Variants in TAOK1 observed in about 807,000 individuals in gnomAD.
The protein encoded by TAOK1 is serine/threonine-protein kinase TAO1.
TAOK1 carries 21 observed loss-of-function variants against 138.3 expected under a neutral mutation model. The ratio of observed to expected loss-of-function variants is 0.15; its 90% CI spans 0.11 to 0.22. The LOEUF (loss-of-function observed/expected upper bound fraction) is 0.22. Ranked by LOEUF, TAOK1 falls within the 10% of genes least tolerant of loss-of-function variation. The probability of loss-of-function intolerance (pLI) is 1.00; values close to 1 mark genes in which losing one functional copy is unlikely to be tolerated. For missense variants in TAOK1, 651 were observed against 1,227.7 expected (o/e 0.53, Z 7.02); for synonymous variants, 361 against 398.4 (o/e 0.91, Z 1.12).
intron 7 of TAOK1, among the ~76,000 whole-genome samples, chr17:29,480,870 T>TAAAAAAAA (rs2031046268): frequency 3.8e-5 from 1 of 26,268 alleles, no homozygotes; most frequent in Admixed American, 3.5e-4. Context: ...ACCCTGTCTC[T>TAAAAAAAA]CAAAAAAAAA....
intron 2 of TAOK1, among the ~76,000 whole-genome samples, chr17:29,465,068 G>A (rs1483561326): frequency 1.4e-5 from 2 of 146,844 alleles, no homozygotes; most frequent in Non-Finnish European, 3.0e-5. Flanking sequence ...TGATCCACCC[G>A]CCTCGGCCTC....
At chr17:29,457,328 C>T (rs1598488899) in intron 2 of TAOK1, among the ~76,000 whole-genome samples, 1 of 148,158 alleles carries the variant, frequency 6.7e-6, no homozygotes. Flanking sequence ...GTCTTGAACT[C>T]CTGACCTCAG....
intron 2 of TAOK1, among the ~76,000 whole-genome samples, chr17:29,456,272 C>T (rs958266567): frequency 2.7e-5 from 4 of 149,782 alleles, no homozygotes; most frequent in Admixed American, 6.6e-5. Flanking sequence ...CGCTTGAACC[C>T]GTCCATGAGG....
At position 29,533,806 on chromosome 17, in the gene TAOK1, G is replaced by A. The variant is rs531499118; in HGVS notation, c.2362-312G>A. Among the ~76,000 whole-genome samples the A allele has an allele frequency of 3.5e-5, 5 of 142,290 alleles. No homozygotes were observed. In the East Asian group the frequency reaches 8.3e-4, roughly 24 times the overall value. The allele number at this position is 142,290 out of a possible 152,430, so 93.3% of individuals were successfully genotyped here. On this transcript the variant is annotated intron_variant, in intron 18 of 19. Transcript: ENST00000261716. ...GATGGCAGCAGTACAGTCCAGCTTC[G>A]GCTCGGCATCAGAGGGAGACCGTGG...
At chr17:29,403,481 C>G (rs533361965) in intron 1 of TAOK1, among the ~76,000 whole-genome samples, 7 of 152,216 alleles carry the variant, frequency 4.6e-5, no homozygotes, top group Admixed American at 4.6e-4. Context: ...GATAAGGAAA[C>G]TTTGCTCTTC....
At chr17:29,402,113 C>T (rs1028943531) in intron 1 of TAOK1, among the ~76,000 whole-genome samples, 3 of 152,014 alleles carry the variant, frequency 2.0e-5, no homozygotes, top group Middle Eastern at 3.2e-3. Flanking sequence ...TTTACCTTTC[C>T]TAGGTTTCAA....
chr17:29,529,670 A>G (rs1043364220), intron 17 of TAOK1, among the ~76,000 whole-genome samples: 4 of 152,196 alleles, frequency 2.6e-5, no homozygotes, highest in Non-Finnish European at 4.4e-5. Flanking sequence ...GTGCGAGACC[A>G]TCCTGGCCAA....
At chr17:29,540,559 T>G (rs2032298958) in intron 19 of TAOK1, among the ~76,000 whole-genome samples, 1 of 151,598 alleles carries the variant, frequency 6.6e-6, no homozygotes, top group Non-Finnish European at 1.5e-5. Context: ...GGGTTGTTTG[T>G]TTTTTGTTTT....
At chr17:29,418,748 G>A (rs1323236440) in intron 1 of TAOK1, among the ~76,000 whole-genome samples, 3 of 152,100 alleles carry the variant, frequency 2.0e-5, no homozygotes, top group African/African-American at 7.2e-5. Context: ...GCAAATTCAA[G>A]TTTTGCTTTT....
intron 1 of TAOK1, among the ~76,000 whole-genome samples, chr17:29,414,650 G>A (rs904588174): frequency 2.0e-4 from 30 of 151,172 alleles, no homozygotes; most frequent in African/African-American, 5.1e-4. Context: ...TCCGCCTCCC[G>A]GGTTCAAGCG....
At chr17:29,401,990 TTCTG>T (rs1904859539) in intron 1 of TAOK1, among the ~76,000 whole-genome samples, 1 of 152,232 alleles carries the variant, frequency 6.6e-6, no homozygotes, top group South Asian at 2.1e-4. Context: ...ACTTCTAATC[TTCTG>T]TCTCTGAAGT....
intron 11 of TAOK1, among the ~76,000 whole-genome samples, chr17:29,497,596 G>A (rs1021238835): frequency 2.6e-5 from 4 of 151,542 alleles, no homozygotes; most frequent in African/African-American, 9.7e-5. Context: ...TCTTATGATT[G>A]TGATTTGAAA....
At chr17:29,482,518 G>A (rs766366753) in intron 8 of TAOK1, among the ~76,000 whole-genome samples, 3 of 151,898 alleles carry the variant, frequency 2.0e-5, no homozygotes, top group Non-Finnish European at 4.4e-5. Flanking sequence ...TTCCACTGTG[G>A]TTTTAATTAA....
At position 29,444,707 on chromosome 17, in the gene TAOK1, T is replaced by C. The variant is rs79165927; in HGVS notation, c.-94-6748T>C. ...ATATCTACAGAAAATCCTCTTGGAC[T>C]TTTGAGATTGTGTTGAATCTATGAA... On this transcript the variant is annotated intron_variant, in intron 1 of 19. Coordinates refer to ENST00000261716, the MANE Select transcript of TAOK1 (RefSeq NM_020791.4). Among the ~76,000 whole-genome samples, 922 of 152,320 alleles carry C rather than the reference T, an allele frequency of 6.1e-3. 11 individuals are homozygous for C. The highest frequency in any genetic ancestry group is 0.021 in the African/African-American group (857 of 41,584).
At chr17:29,466,114 A>T (rs1420802380) in intron 2 of TAOK1, among the ~76,000 whole-genome samples, 3 of 152,082 alleles carry the variant, frequency 2.0e-5, no homozygotes, top group African/African-American at 7.2e-5. Context: ...GTGGTGAATT[A>T]TGAAATGTTT....
chr17:29,492,975 T>C (rs2031332382), intron 10 of TAOK1, among the ~76,000 whole-genome samples: 1 of 151,158 alleles, frequency 6.6e-6, no homozygotes, highest in Non-Finnish European at 1.5e-5. Context: ...ACCCTGTCTT[T>C]ACTAATAATA....
chr17:29,471,413 G>A (rs1304506985), intron 3 of TAOK1, among the ~76,000 whole-genome samples: 1 of 149,038 alleles, frequency 6.7e-6, no homozygotes, highest in Non-Finnish European at 1.5e-5. Flanking sequence ...GAGTAGCTGG[G>A]ACTACAGGTG....
intron 19 of TAOK1, among the ~76,000 whole-genome samples, chr17:29,535,535 A>C (rs1316527909): frequency 6.6e-6 from 1 of 152,114 alleles, no homozygotes; most frequent in African/African-American, 2.4e-5. Flanking sequence ...TCCTGTGATA[A>C]AAATAGAATG....
chr17:29,493,242 C>T (rs940352464), intron 10 of TAOK1, among the ~76,000 whole-genome samples: 1 of 151,952 alleles, frequency 6.6e-6, no homozygotes, highest in African/African-American at 2.4e-5. Context: ...CTCCTGTAAT[C>T]ACAGCACTTT....
Sources: gnomAD v4.1 joint callset for allele counts (sites outside exome capture counted in the v4.1 genomes callset) on GRCh38, gnomAD v4.1.1 for gene constraint, MANE v1.5 for transcripts, NCBI Gene and HGNC (gene_info 2026-07-23, HGNC 2026-07-21) for gene names.